SLA: variants seen among roughly 807,000 people sequenced by gnomAD.
SLA encodes the protein src-like-adapter.
In SLA, 16 loss-of-function variants were observed where a neutral mutation model predicts 30.3. The observed-to-expected ratio is 0.53, with a 90% CI of 0.36 to 0.80. The LOEUF (loss-of-function observed/expected upper bound fraction) is 0.80. Ranked by LOEUF, SLA falls within the 30% of genes least tolerant of loss-of-function variation. The pLI is 0.01. For synonymous variants in SLA, 143 were observed against 137.8 expected (o/e 1.04, Z -0.26); for missense variants, 310 against 345.2 (o/e 0.90, Z 0.81).
intron 1 of SLA, among the ~76,000 whole-genome samples, chr8:133,094,304 G>A (rs571488900): frequency 5.4e-5 from 8 of 147,386 alleles, no homozygotes; most frequent in African/African-American, 1.3e-4. Context: ...GCAGAGGTGC[G>A]ATCTCGGTCC....
intron 1 of SLA, among the ~76,000 whole-genome samples, chr8:133,095,635 C>T (rs1848290402): frequency 6.6e-6 from 1 of 152,174 alleles, no homozygotes; most frequent in Non-Finnish European, 1.5e-5. Context: ...TCACTTCACT[C>T]CCTTATATGG....
intron 3 of SLA, among the ~76,000 whole-genome samples, chr8:133,053,746 C>A (rs2131259282): frequency 2.0e-5 from 3 of 152,280 alleles, no homozygotes; most frequent in Middle Eastern, 3.4e-3. Flanking sequence ...ATTATAAAAA[C>A]CACTGTTCCA....
chr8:133,069,862 C>T (rs1343850894), intron 2 of SLA, among the ~76,000 whole-genome samples: 10 of 151,436 alleles, frequency 6.6e-5, no homozygotes, highest in Admixed American at 4.0e-4. Context: ...ATCAGCTGGG[C>T]GTGGTGGCAG....
At chr8:133,039,068 A>G (rs1324539725) in intron 8 of SLA, among the ~76,000 whole-genome samples, 5 of 152,034 alleles carry the variant, frequency 3.3e-5, no homozygotes, top group Admixed American at 6.6e-5. Context: ...GAGTAGAGAC[A>G]GGGTTTCACC....
chr8:133,076,482 A>G (rs916246854), intron 1 of SLA, among the ~76,000 whole-genome samples: 1 of 152,242 alleles, frequency 6.6e-6, no homozygotes, highest in African/African-American at 2.4e-5. Context: ...CTGGGAAGGT[A>G]CAAAGGAACT....
At chr8:133,061,293 G>A (rs534696733) in intron 2 of SLA, among the ~76,000 whole-genome samples, 9 of 152,320 alleles carry the variant, frequency 5.9e-5, no homozygotes, top group Non-Finnish European at 1.2e-4. Context: ...ACAAGCATAA[G>A]CCTCCATGCC....
At chr8:133,047,675 T>G (rs1412544312) in intron 6 of SLA, 155 bp downstream of exon 6, 6 of 648,862 alleles carry the variant, frequency 9.2e-6, no homozygotes, top group African/African-American at 1.8e-5. Context: ...CCCACTGGCC[T>G]CCCCAGCAGC....
intron 2 of SLA, among the ~76,000 whole-genome samples, chr8:133,070,974 T>C (rs918999878): frequency 6.6e-6 from 1 of 152,264 alleles, no homozygotes; most frequent in Non-Finnish European, 1.5e-5. Flanking sequence ...TTCTGCACTT[T>C]CTGTCTTTAG....
At chr8:133,094,923 G>C (rs960626892) in intron 1 of SLA, 1 of 1,361,730 alleles carries the variant, frequency 7.3e-7, no homozygotes, top group East Asian at 2.3e-5. Context: ...CCCAGAATGG[G>C]TCCTGGGACT....
intron 2 of SLA, among the ~76,000 whole-genome samples, chr8:133,060,982 C>A (rs746034297): frequency 3.3e-5 from 5 of 152,186 alleles, no homozygotes; most frequent in Non-Finnish European, 7.3e-5. Context: ...TACTTACAAG[C>A]TAGATGACTT....
chr8:133,087,249 C>T (rs1846736398), intron 1 of SLA, among the ~76,000 whole-genome samples: 1 of 152,148 alleles, frequency 6.6e-6, no homozygotes, highest in African/African-American at 2.4e-5. Flanking sequence ...GCTATTTTTG[C>T]TTTAAAAATT....
chr8:133,083,065 A>C (rs980601101), intron 1 of SLA, among the ~76,000 whole-genome samples: 1 of 152,230 alleles, frequency 6.6e-6, no homozygotes, highest in Non-Finnish European at 1.5e-5. Context: ...CCTAGTTGCT[A>C]TAGAAATAGT....
chr8:133,096,812 A>G (rs193198590), intron 1 of SLA, among the ~76,000 whole-genome samples: 134 of 152,306 alleles, frequency 8.8e-4, no homozygotes, highest in Non-Finnish European at 1.2e-3. Flanking sequence ...TCCAAGTTAA[A>G]TTTCCTAGTA....
intron 1 of SLA, among the ~76,000 whole-genome samples, chr8:133,087,066 A>G (rs377379353): frequency 1.0e-4 from 14 of 139,470 alleles, no homozygotes; most frequent in African/African-American, 3.5e-4. Context: ...TCCTGAATAT[A>G]TGTTTACACA....
At chr8:133,041,795 T>TTG (rs1554706675) in intron 7 of SLA, among the ~76,000 whole-genome samples, 1 of 150,238 alleles carries the variant, frequency 6.7e-6, no homozygotes, top group Non-Finnish European at 1.5e-5. Context: ...TTTTTTTTTT[T>TTG]TTTTTTTTTT....
At chr8:133,093,972 G>T (rs893978902) in intron 1 of SLA, among the ~76,000 whole-genome samples, 2 of 152,160 alleles carry the variant, frequency 1.3e-5, no homozygotes, top group Admixed American at 6.5e-5. Context: ...TCCATCAGTG[G>T]CAGTAGCAGG....
At chr8:133,047,123 G>C (rs1247158470) in intron 6 of SLA, 2 of 152,290 alleles carry the variant, frequency 1.3e-5, no homozygotes, top group Non-Finnish European at 2.9e-5. Context: ...CTTAGAGAGA[G>C]AGAAGCAGTA....
chr8:133,098,507 C>T (rs1848773144), intron 1 of SLA, among the ~76,000 whole-genome samples: 1 of 152,222 alleles, frequency 6.6e-6, no homozygotes, highest in African/African-American at 2.4e-5. Flanking sequence ...TTATTTGATA[C>T]CCTCCTACAG....
chr8:133,050,000 A>G lies in SLA; in HGVS notation c.162-12T>C. The stretch of plus-strand genomic sequence containing the variant: ...ACCAGCCCCCTTCACTGTAAGAACA[A>G]GAACAGAGAAGAACACAGAGATAGG... On this transcript the variant is annotated splice_polypyrimidine_tract_variant and intron_variant, in intron 4 of 8. Transcript: ENST00000338087. 1.9e-6 allele frequency: 3 copies of G among 1,543,042 alleles called. No individual in the cohort carries two copies. Among genetic ancestry groups the G allele is most frequent in the Non-Finnish European group, 2.7e-6 (3 of 1,114,854 alleles).
Sources: gnomAD v4.1 joint callset for allele counts (sites outside exome capture counted in the v4.1 genomes callset) on GRCh38, gnomAD v4.1.1 for gene constraint, MANE v1.5 for transcripts, NCBI Gene and HGNC (gene_info 2026-07-23, HGNC 2026-07-21) for gene names.